GNG12: variants seen among roughly 807,000 people sequenced by gnomAD.
GNG12 encodes G protein subunit gamma 12.
For missense variants in GNG12, 69 were observed against 83.8 expected, an observed-to-expected ratio of 0.82 and a Z score of 0.69; for synonymous variants, 28 against 29.7, an observed-to-expected ratio of 0.94 and a Z score of 0.19.
intron 2 of GNG12, among the ~76,000 whole-genome samples, chr1:67,756,740 G>C (rs920857333): frequency 1.2e-4 from 19 of 152,220 alleles, no homozygotes; most frequent in African/African-American, 4.3e-4. Context: ...CTGTGATCTA[G>C]TTCAAGGGGT....
intron 2 of GNG12, among the ~76,000 whole-genome samples, chr1:67,709,899 TA>T (rs1165931053): frequency 1.5e-4 from 16 of 108,236 alleles, no homozygotes; most frequent in African/African-American, 2.1e-4. Context: ...GTTATATATA[TA>T]TTTTTATATA....
chr1:67,830,152 T>C (rs888177391), intron 1 of GNG12, among the ~76,000 whole-genome samples: 1 of 152,248 alleles, frequency 6.6e-6, no homozygotes, highest in South Asian at 2.1e-4. Context: ...ACTTCAGGCA[T>C]GCGCCATCAC....
chr1:67,810,220 G>A (rs140893199), intron 1 of GNG12, among the ~76,000 whole-genome samples: 3 of 152,348 alleles, frequency 2.0e-5, no homozygotes, highest in African/African-American at 7.2e-5. Flanking sequence ...TATGGAGACA[G>A]TGAAAATATC....
At chr1:67,765,170 T>G (rs1301631477) in intron 2 of GNG12, among the ~76,000 whole-genome samples, 1 of 152,166 alleles carries the variant, frequency 6.6e-6, no homozygotes, top group African/African-American at 2.4e-5. Flanking sequence ...ATAAAATGTA[T>G]GCACACTCTT....
intron 1 of GNG12, among the ~76,000 whole-genome samples, chr1:67,800,842 A>G (rs1646860432): frequency 6.7e-6 from 1 of 149,954 alleles, no homozygotes; most frequent in Non-Finnish European, 1.5e-5. Flanking sequence ...GACCTTGTGA[A>G]CTCCTTGAAA....
In GNG12 at chr1:67,714,902, G is replaced by C. The variant is rs574030036; in HGVS notation, c.-26-7190C>G. ...GAGAGAAGACCATGTGAACGCAGAG[G>C]GAGAAAACGGCCATCTTTTGTTTGT... On this transcript the variant is annotated intron_variant, in intron 2 of 3. Transcript: ENST00000370982. 2.6e-5 allele frequency among the ~76,000 whole-genome samples: 4 copies of C among 152,062 alleles called. No individual in the cohort carries two copies. In the East Asian group the frequency reaches 7.7e-4, roughly 29 times the overall value.
chr1:67,733,584 A>C (rs1300040446), intron 2 of GNG12, among the ~76,000 whole-genome samples: 1 of 152,222 alleles, frequency 6.6e-6, no homozygotes, highest in African/African-American at 2.4e-5. Flanking sequence ...TATAATTTTA[A>C]TTTTTCATTT....
At chr1:67,737,137 G>A (rs1646456938) in intron 2 of GNG12, among the ~76,000 whole-genome samples, 1 of 152,140 alleles carries the variant, frequency 6.6e-6, no homozygotes, top group South Asian at 2.1e-4. Flanking sequence ...TTCTATATAA[G>A]TAGTACTCAT....
intron 1 of GNG12, among the ~76,000 whole-genome samples, chr1:67,797,845 G>A (rs1366258466): frequency 1.3e-5 from 2 of 152,124 alleles, no homozygotes; most frequent in African/African-American, 2.4e-5. Flanking sequence ...TTCCTCAGGT[G>A]ACTGCACCGG....
chr1:67,814,064 G>T (rs1424338444), intron 1 of GNG12, among the ~76,000 whole-genome samples: 2 of 152,082 alleles, frequency 1.3e-5, no homozygotes, highest in Non-Finnish European at 2.9e-5. Flanking sequence ...TGCCAGTCAG[G>T]CTCCTGCTCT....
chr1:67,818,284 A>T (rs1361044833), intron 1 of GNG12, among the ~76,000 whole-genome samples: 1 of 152,214 alleles, frequency 6.6e-6, no homozygotes, highest in Non-Finnish European at 1.5e-5. Flanking sequence ...CAGAGGAAAC[A>T]GTGTGAGGAA....
intron 2 of GNG12, among the ~76,000 whole-genome samples, chr1:67,726,418 A>G (rs1346516227): frequency 6.6e-6 from 1 of 152,224 alleles, no homozygotes. Flanking sequence ...CTTTTTCATA[A>G]TTCAGGAAAC....
chr1:67,807,047 A>C (rs1646897817), intron 1 of GNG12, among the ~76,000 whole-genome samples: 1 of 152,192 alleles, frequency 6.6e-6, no homozygotes. Flanking sequence ...CCATAAAAAA[A>C]ACCTTAACAA....
intron 2 of GNG12, among the ~76,000 whole-genome samples, chr1:67,768,097 A>C (rs1557610871): frequency 6.6e-6 from 1 of 152,358 alleles, no homozygotes; most frequent in East Asian, 1.9e-4. Context: ...TCTTATTTGT[A>C]AAACGGAATG....
At chr1:67,757,402 G>C in intron 2 of GNG12, among the ~76,000 whole-genome samples, 1 of 152,184 alleles carries the variant, frequency 6.6e-6, no homozygotes, top group East Asian at 1.9e-4. Flanking sequence ...ACAAGAGAAA[G>C]AAAAACATTC....
In GNG12 at chr1:67,771,499, C is replaced by T. The variant is rs142211741; in HGVS notation, c.-27+5959G>A. Among the ~76,000 whole-genome samples the T allele has an allele frequency of 4.6e-5, 7 of 152,306 alleles. No individual in the cohort carries two copies. In the South Asian group the frequency reaches 6.2e-4, roughly 14 times the overall value. On this transcript the variant is annotated intron_variant, in intron 2 of 3. Coordinates refer to ENST00000370982, the MANE Select transcript of GNG12 (RefSeq NM_018841.6). ...TGAGTGGTTTTCAGCAAAACTTTTG[C>T]GACTGAAGCAGGAAAGGGACTTGGG... is the stretch of plus-strand genomic sequence containing the variant.
chr1:67,733,441 C>T lies in GNG12; in HGVS notation c.-26-25729G>A, dbSNP rs147446640. 1.2e-3 allele frequency among the ~76,000 whole-genome samples: 184 copies of T among 152,200 alleles called. 1 individual carries two copies. In the East Asian group the frequency reaches 0.02, roughly 17 times the overall value. On this transcript the variant is annotated intron_variant, in intron 2 of 3. Transcript: ENST00000370982. ...AAATATACAATCATATACACGTGCA[C>T]GTATATGATGTGCATGCATCTTTTA...
intron 1 of GNG12, among the ~76,000 whole-genome samples, chr1:67,784,809 A>G (rs1405639289): frequency 3.5e-5 from 1 of 28,320 alleles, no homozygotes; most frequent in African/African-American, 1.4e-4. Flanking sequence ...TCACAGCTAT[A>G]TTTTGTATAA....
At chr1:67,787,524 C>T (rs773385230) in intron 1 of GNG12, among the ~76,000 whole-genome samples, 1 of 152,138 alleles carries the variant, frequency 6.6e-6, no homozygotes, top group African/African-American at 2.4e-5. Flanking sequence ...ACAGGACCAA[C>T]GGAAATGACC....
Sources: gnomAD v4.1 joint callset for allele counts (sites outside exome capture counted in the v4.1 genomes callset) on GRCh38, gnomAD v4.1.1 for gene constraint, MANE v1.5 for transcripts, NCBI Gene and HGNC (gene_info 2026-07-23, HGNC 2026-07-21) for gene names.